Variants in COG8 observed in about 807,000 individuals in gnomAD.
The protein encoded by COG8 is component of oligomeric golgi complex 8, also known as conserved oligomeric Golgi complex subunit 8.
Under a neutral mutation model 46.5 loss-of-function variants are expected in COG8, and 45 were observed. The ratio of observed to expected loss-of-function variants is 0.97; its 90% CI spans 0.76 to 1.24. The LOEUF (loss-of-function observed/expected upper bound fraction) is 1.24, where lower values mean the gene tolerates loss of function less well. COG8 is among the 50% of genes most tolerant of loss of function. COG8 has a pLI of 0.00. For missense variants in COG8, 793 were observed against 820.8 expected (o/e 0.97, Z 0.41); for synonymous variants, 407 against 347.8 (o/e 1.17, Z -1.90).
At chr16:69,338,054 T>C (rs1291645359) in intron 1 of COG8, among the ~76,000 whole-genome samples, 2 of 150,930 alleles carry the variant, frequency 1.3e-5, no homozygotes, top group Non-Finnish European at 3.0e-5. Flanking sequence ...TTTAAGAGAG[T>C]TTCACTTTGT....
chr16:69,335,124 A>G lies in COG8; in HGVS notation c.810T>C (p.His270=), dbSNP rs762129333. 3 of 1,614,180 alleles carry G rather than the reference A, an allele frequency of 1.9e-6. No homozygotes were observed. Among genetic ancestry groups the G allele is most frequent in the Admixed American group, 1.7e-5 (1 of 60,022 alleles). ...GGGAGGCCTCGATGGTTTTTGTAAT[A>G]TGGAAATAGGGATCATCATTAGGAA... ...TAIPNDDPYF[H]ITKTIEASRV... is the part of the protein sequence containing the mutation. Residue 270 remains histidine (H), a synonymous_variant, in exon 3 of 6, where the codon CAT becomes CAC. Coordinates refer to ENST00000306875, the MANE Select transcript of COG8 (RefSeq NM_032382.5).
rs776702620 is a variant in COG8 at position 69,334,718 on chromosome 16, G to C, written c.1216C>G (p.Leu406Val). 6.2e-7 allele frequency: 1 copy of C among 1,614,180 alleles called. No homozygotes were observed. Among genetic ancestry groups the C allele is most frequent in the East Asian group, 2.2e-5 (1 of 44,882 alleles). Residue 406 changes from leucine (L) to valine (V), a missense_variant, in exon 3 of 6, where the codon CTG (leucine) becomes GTG (valine). Physicochemically the swap from Leu to Val is conservative, Grantham distance 32. Transcript: ENST00000306875. ...GCAGCAGGCATGTTACTGGTGCCCA[G>C]GATGGCTGGAGCCGAGATGAGCATG... ...SYMLISAPAI[L>V]GTSNMPAAVP... is the part of the protein sequence containing the mutation.
In COG8 at chr16:69,336,543, G is replaced by T; in HGVS notation, c.547C>A (p.Arg183=). ...EALELAAYVR[R]LERKYSSIPV... is the part of the protein sequence containing the mutation. ...ATGGAAGAGTATTTCCTCTCCAGTC[G>T]GCGTACGTAGGCTGCAAGCTCCAGG... The change falls in exon 2 of 6, where the codon CGA becomes AGA. Residue 183 remains arginine, a synonymous_variant. Transcript: ENST00000306875. 6.2e-7 allele frequency: 1 copy of T among 1,614,118 alleles called. No homozygotes were observed. The highest frequency in any genetic ancestry group is 1.1e-5 in the South Asian group (1 of 91,080).
intron 3 of COG8, among the ~76,000 whole-genome samples, chr16:69,333,137 T>G (rs1485057409): frequency 6.6e-6 from 1 of 151,324 alleles, no homozygotes; most frequent in Non-Finnish European, 1.5e-5. Context: ...AGGAGTGTCA[T>G]AAAACTATAG....
At chr16:69,336,104 G>C (rs2012191919) in intron 2 of COG8, among the ~76,000 whole-genome samples, 1 of 152,012 alleles carries the variant, frequency 6.6e-6, no homozygotes, top group African/African-American at 2.4e-5. Context: ...TTCTCATTTA[G>C]GTCTCAGCTT....
At chr16:69,330,524 G>A (rs1332763898) in intron 5 of COG8, 1 of 1,476,044 alleles carries the variant, frequency 6.8e-7, no homozygotes, top group Non-Finnish European at 8.9e-7. Context: ...CCACGGCACG[G>A]CCGCCCACAG....
Position 69,335,367 on chromosome 16 carries a change from A to G in COG8, c.586-19T>C. The G allele has an allele frequency of 6.4e-7, 1 of 1,565,032 alleles. No homozygotes were observed. Among genetic ancestry groups the G allele is most frequent in the Admixed American group, 1.8e-5 (1 of 55,104 alleles). ...CGATGCCCTGACAATACACAGAGAG[A>G]GTCACACTGCGCTGGGAAGGATGCT... On this transcript the variant is annotated intron_variant, in intron 2 of 5. Transcript: ENST00000306875.
At chr16:69,336,795 A>C (rs1340177296) in intron 1 of COG8, 83 bp from the exon 2 acceptor site, 2 of 1,153,970 alleles carry the variant, frequency 1.7e-6, no homozygotes, top group Admixed American at 3.6e-5. Flanking sequence ...TGCTATGAAC[A>C]TTGGGCTGGA....
chr16:69,327,403 G>T lies in COG8; in HGVS notation c.*1803C>A, dbSNP rs1204151454. ...GGCTGGTCTTGAACTCCTGACCTCA[G>T]GTGATCTGCCTGCCTTGACCTCCCA... On this transcript the variant is annotated 3_prime_UTR_variant, in exon 6 of 6. Transcript: ENST00000306875. 6.6e-6 allele frequency: 1 copy of T among 151,722 alleles called. No individual in the cohort carries two copies. Among genetic ancestry groups the T allele is most frequent in the Non-Finnish European group, 1.5e-5 (1 of 67,936 alleles). The allele number at this position is 151,722 out of a possible 1,614,324, so 9.4% of individuals were successfully genotyped here.
In COG8 at chr16:69,327,174, T is replaced by TTG. The variant is rs933742894; in HGVS notation, c.*2031_*2032insCA. The stretch of plus-strand genomic sequence containing the variant: ...GTTGGGATTCCCTTTTTTTTTTTTT[T>TTG]TTTTTTTTTTTGAGACAGAGCCTTG... On this transcript the variant is annotated 3_prime_UTR_variant, in exon 6 of 6. Coordinates refer to ENST00000306875, the MANE Select transcript of COG8 (RefSeq NM_032382.5). 3.5e-5 allele frequency: 5 copies of TTG among 144,818 alleles called. No homozygotes were observed. Among genetic ancestry groups the TTG allele is most frequent in the African/African-American group, 1.3e-4 (5 of 38,648 alleles). 9.0% of individuals were successfully genotyped at this position (144,818 alleles called of 1,614,324 possible). A position where few individuals can be genotyped will look rare whatever the true frequency, so the allele number is the denominator to read the frequency against.
At chr16:69,335,815 CAAA>C (rs550711525) in intron 2 of COG8, among the ~76,000 whole-genome samples, 1 of 88,752 alleles carries the variant, frequency 1.1e-5, no homozygotes, top group East Asian at 3.5e-4. Context: ...GACTCTGTCT[CAAA>C]AAAAAAAAAG....
rs1965670521 is a variant in COG8, at chr16:69,328,500, A to C, written c.*706T>G. On this transcript the variant is annotated 3_prime_UTR_variant, in exon 6 of 6. Transcript: ENST00000306875. ...AGGCTGTTAAAATGTGTGGGCACTC[A>C]TTTACACTCGTGCTGTCATGAAACA... 6.4e-6 allele frequency: 1 copy of C among 157,474 alleles called. No homozygotes were observed. The highest frequency in any genetic ancestry group is 1.4e-5 in the Non-Finnish European group (1 of 72,422). The allele number at this position is 157,474 out of a possible 1,614,324, so 9.8% of individuals were successfully genotyped here.
chr16:69,330,422 C>A (rs894574168), intron 5 of COG8: 46 of 1,476,500 alleles, frequency 3.1e-5, no homozygotes, highest in Non-Finnish European at 3.8e-5. Context: ...CCTCAGGTGG[C>A]GCCAATAGGA....
chr16:69,327,308 C>T lies in COG8; in HGVS notation c.*1898G>A, dbSNP rs1414536517. On this transcript the variant is annotated 3_prime_UTR_variant, in exon 6 of 6. Coordinates refer to ENST00000306875, the MANE Select transcript of COG8 (RefSeq NM_032382.5). ...TCAGCCTCCCAAGTAGCTGTGATTA[C>T]AGGCGCCTACCAGCACACCCAGCTA... The T allele has an allele frequency of 1.3e-5, 2 of 151,982 alleles. No individual in the cohort carries two copies. Among genetic ancestry groups the T allele is most frequent in the African/African-American group, 4.8e-5 (2 of 41,356 alleles). The allele number at this position is 151,982 out of a possible 1,614,324, so 9.4% of individuals were successfully genotyped here.
At chr16:69,330,202 C>T (rs1304341750) in intron 5 of COG8, 22 of 1,457,228 alleles carry the variant, frequency 1.5e-5, no homozygotes, top group Non-Finnish European at 1.9e-5. Flanking sequence ...GCTCCAGCGC[C>T]AGCACCTGCC....
rs765199056 is a variant in COG8 at position 69,335,142 on chromosome 16, A to G, written c.792T>C (p.Asn264=). 7.4e-6 allele frequency: 12 copies of G among 1,614,112 alleles called. No individual in the cohort carries two copies. Among genetic ancestry groups the G allele is most frequent in the Non-Finnish European group, 1.0e-5 (12 of 1,180,054 alleles). The part of the protein sequence containing the change: ...WLRSILTAIP[N]DDPYFHITKT... ...TTGTAATATGGAAATAGGGATCATC[A>G]TTAGGAATGGCAGTCAGGATGGACC... is the stretch of plus-strand genomic sequence containing the variant. The change falls in exon 3 of 6, where the codon AAT becomes AAC. Residue 264 remains asparagine (N), a synonymous_variant. Transcript: ENST00000306875.
intron 2 of COG8, among the ~76,000 whole-genome samples, chr16:69,336,194 T>C (rs1410153307): frequency 1.3e-5 from 2 of 151,898 alleles, no homozygotes; most frequent in African/African-American, 4.9e-5. Flanking sequence ...CCCCATTCCC[T>C]GTTTTTTTCT....
chr16:69,339,090 A>G (rs911326410), intron 1 of COG8, 86 bp downstream of exon 1: 5 of 1,585,818 alleles, frequency 3.2e-6, no homozygotes, highest in Non-Finnish European at 3.5e-6. Context: ...GGAACGTGGT[A>G]AACGCTTTAT....
At chr16:69,330,543 G>A (rs1236382015) in intron 5 of COG8, 14 of 1,476,352 alleles carry the variant, frequency 9.5e-6, no homozygotes, top group South Asian at 2.6e-5. Flanking sequence ...AGTGGCCAAA[G>A]ACTCAGCGCG....
Sources: allele counts gnomAD v4.1 joint callset (sites outside exome capture counted in the v4.1 genomes callset), GRCh38; gene constraint gnomAD v4.1.1; transcripts MANE v1.5; gene names NCBI Gene and HGNC (gene_info 2026-07-23, HGNC 2026-07-21).